The following C9orf153 variants were observed in gnomAD, a reference collection of about 807,000 sequenced individuals.
C9orf153 encodes uncharacterized protein C9orf153.
C9orf153 carries 10 observed loss-of-function variants against 9.0 expected under a neutral mutation model. The observed-to-expected ratio is 1.11, with a 90% CI of 0.69 to 1.89. The LOEUF (loss-of-function observed/expected upper bound fraction) is 1.89. Among genes scored for constraint, C9orf153 ranks in the 40% most tolerant of loss-of-function variants. The pLI, the probability that C9orf153 is intolerant of heterozygous loss-of-function variation, is 0.00. For missense variants in C9orf153, 108 were observed against 111.0 expected, an observed-to-expected ratio of 0.97 and a Z score of 0.12; for synonymous variants, 35 against 37.3, an observed-to-expected ratio of 0.94 and a Z score of 0.23.
intron 1 of C9orf153, among the ~76,000 whole-genome samples, chr9:86,231,691 A>G (rs548647639): frequency 1.3e-5 from 2 of 151,988 alleles, no homozygotes; most frequent in South Asian, 4.2e-4. Flanking sequence ...CACTACTGAG[A>G]TCACTATATT....
intron 1 of C9orf153, chr9:86,258,386 A>T (rs1177480708): frequency 6.6e-6 from 1 of 150,418 alleles, no homozygotes; most frequent in Non-Finnish European, 1.5e-5. Flanking sequence ...GTCATAGAGG[A>T]TGAAACTCTT....
chr9:86,257,328 A>G (rs1187951434), intron 1 of C9orf153, among the ~76,000 whole-genome samples: 1 of 152,216 alleles, frequency 6.6e-6, no homozygotes, highest in East Asian at 1.9e-4. Context: ...CTAAGTGAGA[A>G]GACTCCTTGG....
intron 1 of C9orf153, among the ~76,000 whole-genome samples, chr9:86,248,141 T>G (rs184240422): frequency 6.6e-6 from 1 of 152,272 alleles, no homozygotes; most frequent in East Asian, 1.9e-4. Flanking sequence ...TTTGTTTGTT[T>G]TTGTTTTTTT....
intron 3 of C9orf153, among the ~76,000 whole-genome samples, chr9:86,225,890 C>T (rs1317590328): frequency 6.6e-6 from 1 of 152,146 alleles, no homozygotes. Context: ...GTTTGTGAGA[C>T]CACATCAGAG....
intron 1 of C9orf153, among the ~76,000 whole-genome samples, chr9:86,246,761 C>G (rs947968353): frequency 2.6e-5 from 4 of 152,148 alleles, no homozygotes; most frequent in African/African-American, 4.8e-5. Flanking sequence ...TCTGGATGGC[C>G]GTCTCCAAGT....
At chr9:86,227,347 T>A in intron 3 of C9orf153, 3 of 1,484,408 alleles carry the variant, frequency 2.0e-6, no homozygotes, top group Admixed American at 1.9e-5. Flanking sequence ...TTATTTATTT[T>A]TGGAGATGGG....
At chr9:86,237,143 C>T (rs903233443) in intron 1 of C9orf153, among the ~76,000 whole-genome samples, 5 of 151,868 alleles carry the variant, frequency 3.3e-5, no homozygotes, top group Non-Finnish European at 2.9e-5. Context: ...ACATATACTG[C>T]AAACTCTAGG....
At chr9:86,240,168 T>C (rs766899793) in intron 1 of C9orf153, among the ~76,000 whole-genome samples, 97 of 152,162 alleles carry the variant, frequency 6.4e-4, no homozygotes, top group Admixed American at 5.2e-4. Flanking sequence ...CATGTACAAT[T>C]ATAATCCCCA....
At chr9:86,240,464 C>T (rs1481667166) in intron 1 of C9orf153, among the ~76,000 whole-genome samples, 3 of 150,112 alleles carry the variant, frequency 2.0e-5, no homozygotes, top group African/African-American at 2.4e-5. Flanking sequence ...GTAACCTCTG[C>T]CCTCCTGGGT....
chr9:86,255,338 G>A (rs1388201365), intron 1 of C9orf153, among the ~76,000 whole-genome samples: 5 of 152,150 alleles, frequency 3.3e-5, no homozygotes, highest in Admixed American at 3.3e-4. Context: ...TGTTCAGAGA[G>A]CCAGCAAACA....
At chr9:86,231,665 TTTTGTCACTA>T (rs2131180662) in intron 1 of C9orf153, among the ~76,000 whole-genome samples, 1 of 142,984 alleles carries the variant, frequency 7.0e-6, no homozygotes, top group Admixed American at 6.7e-5. Flanking sequence ...TCAAATACAT[TTTTGTCACTA>T]TTTGTCACTA....
intron 3 of C9orf153, among the ~76,000 whole-genome samples, chr9:86,223,100 G>A (rs752846956): frequency 1.3e-5 from 2 of 152,182 alleles, no homozygotes; most frequent in Non-Finnish European, 2.9e-5. Flanking sequence ...AAGTTTCAGG[G>A]AGTTTGACAA....
Position 86,239,949 on chromosome 9 carries a change from G to A in C9orf153, c.-26-10320C>T, listed in dbSNP as rs572520338. On this transcript the variant is annotated intron_variant, in intron 1 of 3. Coordinates refer to ENST00000339137, the MANE Select transcript of C9orf153 (RefSeq NM_001276366.4). Reference sequence around the variant, plus strand: ...AGCACCACTCAGGGTAAGACACCCCGATGGTGGAGCAGTTCAGTGCCCTGA... The same window carrying A: ...AGCACCACTCAGGGTAAGACACCCCAATGGTGGAGCAGTTCAGTGCCCTGA... Among the ~76,000 whole-genome samples, 157 of 152,242 alleles carry A rather than the reference G, an allele frequency of 1.0e-3. 1 individual carries two copies. Among genetic ancestry groups the A allele is most frequent in the Admixed American group, 3.3e-3 (50 of 15,290 alleles).
chr9:86,257,940 G>C (rs186440979), intron 1 of C9orf153, among the ~76,000 whole-genome samples: 1 of 152,178 alleles, frequency 6.6e-6, no homozygotes, highest in Non-Finnish European at 1.5e-5. Context: ...ACGTGGAGGG[G>C]GAGAGAGCTC....
At chr9:86,225,428 T>A in intron 3 of C9orf153, among the ~76,000 whole-genome samples, 1 of 143,962 alleles carries the variant, frequency 6.9e-6, no homozygotes, top group South Asian at 2.2e-4. Flanking sequence ...CTTCCTTCCT[T>A]CCTTCCTTCC....
At chr9:86,248,454 T>G (rs1824917472) in intron 1 of C9orf153, among the ~76,000 whole-genome samples, 1 of 152,186 alleles carries the variant, frequency 6.6e-6, no homozygotes. Flanking sequence ...ACTTTTATTT[T>G]AGCTTCAGAG....
intron 1 of C9orf153, among the ~76,000 whole-genome samples, chr9:86,251,942 CG>C (rs1196118566): frequency 1.3e-5 from 2 of 149,702 alleles, no homozygotes; most frequent in Non-Finnish European, 1.5e-5. Flanking sequence ...CACACACACA[CG>C]AGAGAGAGAG....
intron 1 of C9orf153, among the ~76,000 whole-genome samples, chr9:86,232,287 G>A (rs1886127): frequency 0.2 from 29,955 of 152,042 alleles, 3,565 homozygotes; most frequent in East Asian, 0.45. Flanking sequence ...ATCACTAGCC[G>A]AAAATGCTTT....
Position 86,258,831 on chromosome 9 carries a change from A to G in C9orf153, c.-27+719T>C, listed in dbSNP as rs183004852. 1.4e-3 allele frequency among the ~76,000 whole-genome samples: 208 copies of G among 151,358 alleles called. 1 individual carries two copies. The highest frequency in any genetic ancestry group is 4.7e-3 in the African/African-American group (196 of 41,274). ...CCCCCCTTCTCTGCACCATACACAC[A>G]GCTTTCCCCTTTTTTTTTTACTACT... On this transcript the variant is annotated intron_variant, in intron 1 of 3. Transcript: ENST00000339137.
Sources: allele counts gnomAD v4.1 joint callset (sites outside exome capture counted in the v4.1 genomes callset), GRCh38; gene constraint gnomAD v4.1.1; transcripts MANE v1.5; gene names NCBI Gene and HGNC (gene_info 2026-07-23, HGNC 2026-07-21).